NAV3: variants seen among roughly 807,000 people sequenced by gnomAD.
NAV3 encodes the protein pore membrane and/or filament interacting like protein 1.
Under a neutral mutation model 244.7 loss-of-function variants are expected in NAV3, and 87 were observed. That is an observed-to-expected ratio of 0.36 (90% confidence interval 0.30 to 0.42). The LOEUF is 0.42. Ranked by LOEUF, NAV3 falls within the 20% of genes least tolerant of loss-of-function variation. The pLI is 1.00. For missense variants in NAV3, 2,663 were observed against 2,893.3 expected (o/e 0.92, Z 1.83); for synonymous variants, 1,126 against 1,042.2 (o/e 1.08, Z -1.55).
chr12:77,715,146 CTG>C (rs1460828235), intron 2 of NAV3, among the ~76,000 whole-genome samples: 1 of 151,820 alleles, frequency 6.6e-6, no homozygotes, highest in Non-Finnish European at 1.5e-5. Context: ...AATCCAGAAA[CTG>C]TGATATTAAA....
At chr12:77,676,609 CATGTGCAGA>C (rs1258875272) in intron 2 of NAV3, among the ~76,000 whole-genome samples, 4 of 146,448 alleles carry the variant, frequency 2.7e-5, no homozygotes, top group Non-Finnish European at 6.0e-5. Context: ...GTTCTGGATA[CATGTGCAGA>C]ATGTGCAGGT....
rs549350173 is a variant in NAV3, at chr12:78,076,714, A to G, written c.2636+17599A>G. 2.0e-5 allele frequency among the ~76,000 whole-genome samples: 3 copies of G among 152,324 alleles called. No individual in the cohort carries two copies. The South Asian group carries it at 6.2e-4, about 32-fold the overall frequency. ...TAAAAAAAACACAGGTATGAAAAGC[A>G]TGTAGCTAGGGTATTATCTCAAAAG... is the stretch of plus-strand genomic sequence containing the variant. On this transcript the variant is annotated intron_variant, in intron 12 of 39. Coordinates refer to ENST00000397909, the MANE Select transcript of NAV3 (RefSeq NM_001024383.2).
rs751691724 is a variant in NAV3 at position 78,119,219 on chromosome 12, G to A, written c.3041-18G>A. The A allele has an allele frequency of 1.2e-6, 2 of 1,600,776 alleles. No homozygotes were observed. The highest frequency in any genetic ancestry group is 1.8e-4 in the Middle Eastern group (1 of 5,662). On this transcript the variant is annotated intron_variant, in intron 14 of 39. Coordinates refer to ENST00000397909, the MANE Select transcript of NAV3 (RefSeq NM_001024383.2). ...AAACTCTACAGGCACATATATTTGT[G>A]TATTTCTCCTTAATTAGGGAAAACC... is the stretch of plus-strand genomic sequence containing the variant.
At chr12:77,583,832 C>T (rs1869478314) in intron 2 of NAV3, among the ~76,000 whole-genome samples, 1 of 152,162 alleles carries the variant, frequency 6.6e-6, no homozygotes, top group Non-Finnish European at 1.5e-5. Flanking sequence ...ATCCCATTCC[C>T]CCTCCAACCT....
rs1346719280 is a variant in NAV3, at chr12:78,167,748, C to G, written c.4870-1007C>G. Among the ~76,000 whole-genome samples, 4 of 151,618 alleles carry G rather than the reference C, an allele frequency of 2.6e-5. No individual in the cohort carries two copies. In the East Asian group the frequency reaches 7.8e-4, roughly 30 times the overall value. On this transcript the variant is annotated intron_variant, in intron 23 of 39. Coordinates refer to ENST00000397909, the MANE Select transcript of NAV3 (RefSeq NM_001024383.2). ...ATGACAAATACATTACCAAGGAATT[C>G]TCCCTCTAAGAGGCTGACAAAGATC...
chr12:78,005,825 A>C (rs1874106497), intron 7 of NAV3, among the ~76,000 whole-genome samples: 1 of 152,226 alleles, frequency 6.6e-6, no homozygotes, highest in Non-Finnish European at 1.5e-5. Context: ...CAGTTAGAGA[A>C]CCTTCAATAA....
chr12:78,200,486 C>A lies in NAV3; in HGVS notation c.6729C>A (p.Phe2243Leu). 1 of 1,578,196 alleles carries A rather than the reference C, an allele frequency of 6.3e-7. No individual in the cohort carries two copies. The highest frequency in any genetic ancestry group is 1.2e-5 in the South Asian group (1 of 84,748). The change falls in exon 38 of 40, where the codon TTC becomes TTA. Residue 2243 changes from phenylalanine to leucine, a missense_variant. Physicochemically the swap from Phe to Leu is conservative, Grantham distance 22. This residue lies in a region of NAV3 where 543 missense variants were observed against 672.4 expected (regional missense o/e 0.81). Coordinates refer to ENST00000397909, the MANE Select transcript of NAV3 (RefSeq NM_001024383.2). The stretch of plus-strand genomic sequence containing the variant: ...ATTTCTTATCAGGTCCCCGACTATT[C>A]CTTCCTTGCCCCATGGATGTAGAAG... ...SSDVTIGPRLFLPCPMDVEGS... is the reference protein window; with the variant it reads ...SSDVTIGPRLLLPCPMDVEGS...
At chr12:77,977,050 C>T (rs1868581402) in intron 5 of NAV3, among the ~76,000 whole-genome samples, 2 of 152,208 alleles carry the variant, frequency 1.3e-5, no homozygotes, top group South Asian at 2.1e-4. Context: ...CACAGTTTCA[C>T]AGAGACTAGG....
At chr12:78,092,338 G>A (rs368745057) in intron 12 of NAV3, among the ~76,000 whole-genome samples, 3 of 152,072 alleles carry the variant, frequency 2.0e-5, no homozygotes, top group East Asian at 3.9e-4. Flanking sequence ...GTGGGAAGAG[G>A]CCTGACTCAG....
chr12:78,181,148 C>T (rs574117274), intron 30 of NAV3, 103 bp downstream of exon 30: 8 of 1,005,034 alleles, frequency 8.0e-6, no homozygotes, highest in Middle Eastern at 2.4e-4. Context: ...AAATGTTACA[C>T]TCTAATTCTC....
rs560488787 is a variant in NAV3 at position 77,852,560 on chromosome 12, T to G, written c.243+20856T>G. Reference sequence around the variant, plus strand: ...TCTCATAAATAAATAAATAAATAAATAAATAAATAAATAAATAATGTTATA... The same window carrying G: ...TCTCATAAATAAATAAATAAATAAAGAAATAAATAAATAAATAATGTTATA... On this transcript the variant is annotated intron_variant, in intron 1 of 39. Transcript: ENST00000397909. 5.9e-5 allele frequency among the ~76,000 whole-genome samples: 9 copies of G among 151,864 alleles called. No individual in the cohort carries two copies. The South Asian group carries it at 1.7e-3, about 28-fold the overall frequency.
At position 78,116,846 on chromosome 12, in the gene NAV3, C is replaced by T. The variant is rs756859970; in HGVS notation, c.2711C>T (p.Thr904Ile). The change falls in exon 13 of 40, where the codon ACC becomes ATC. Residue 904 changes from threonine to isoleucine, a missense_variant. Transcript: ENST00000397909. ...LDNISTDDLN[T>I]TSSVSSYSNI... ...AACATCAGCACTGATGACCTGAACA[C>T]CACATCCTCTGTCAGCTCTTACTCC... is the stretch of plus-strand genomic sequence containing the variant. 7.4e-6 allele frequency: 12 copies of T among 1,613,464 alleles called. No individual in the cohort carries two copies. The South Asian group carries it at 1.3e-4, about 18-fold the overall frequency.
chr12:77,827,785 A>T (rs1204946334), upstream of NAV3, among the ~76,000 whole-genome samples: 1 of 152,220 alleles, frequency 6.6e-6, no homozygotes, highest in Non-Finnish European at 1.5e-5. Context: ...CACCCCTGTG[A>T]AGGAAGAATA....
At chr12:77,931,493 A>G (rs563964519) in intron 1 of NAV3, among the ~76,000 whole-genome samples, 1 of 151,816 alleles carries the variant, frequency 6.6e-6, no homozygotes, top group Non-Finnish European at 1.5e-5. Flanking sequence ...CTATTTTGGT[A>G]TCTCCATTTT....
intron 31 of NAV3, among the ~76,000 whole-genome samples, chr12:78,187,540 A>G (rs1958779453): frequency 6.6e-6 from 1 of 151,940 alleles, no homozygotes; most frequent in Non-Finnish European, 1.5e-5. Flanking sequence ...ATATGTAGAA[A>G]TTTCTCAAAA....
At chr12:78,140,416 T>A (rs2139069598) in intron 20 of NAV3, 82 bp downstream of exon 20, 1 of 1,178,596 alleles carries the variant, frequency 8.5e-7, no homozygotes, top group Middle Eastern at 1.9e-4. Context: ...TGTGAACAGA[T>A]CACATTCATC....
intron 2 of NAV3, among the ~76,000 whole-genome samples, chr12:77,626,044 G>A (rs1365598177): frequency 6.6e-6 from 1 of 151,920 alleles, no homozygotes; most frequent in East Asian, 1.9e-4. Context: ...ATAATGCAAA[G>A]AAATCAGAAA....
chr12:77,921,162 A>C (rs1396509014), intron 1 of NAV3, among the ~76,000 whole-genome samples: 3 of 152,022 alleles, frequency 2.0e-5, no homozygotes, highest in Non-Finnish European at 1.5e-5. Context: ...TTTGAGGAAA[A>C]AATGAGAAAC....
intron 1 of NAV3, among the ~76,000 whole-genome samples, chr12:77,937,945 T>C (rs1413647426): frequency 6.6e-6 from 1 of 152,106 alleles, no homozygotes; most frequent in Non-Finnish European, 1.5e-5. Context: ...AATGTAAGTA[T>C]TATTTTTCTC....
Sources: allele counts gnomAD v4.1 joint callset (sites outside exome capture counted in the v4.1 genomes callset), GRCh38; gene constraint gnomAD v4.1.1; regional missense constraint gnomAD v4.1.1; transcripts MANE v1.5; gene names NCBI Gene and HGNC (gene_info 2026-07-23, HGNC 2026-07-21).